ACSM3: variants seen among roughly 807,000 people sequenced by gnomAD.
The protein encoded by ACSM3 is acyl-CoA synthetase medium chain family member 3.
ACSM3 carries 61 observed loss-of-function variants against 74.1 expected under a neutral mutation model. The observed-to-expected ratio is 0.82, with a 90% CI of 0.67 to 1.02. The LOEUF is 1.02. Ranked by LOEUF, ACSM3 falls within the 50% of genes least tolerant of loss-of-function variation. The pLI, the probability that ACSM3 is intolerant of heterozygous loss-of-function variation, is 0.00. For missense variants in ACSM3, 660 were observed against 697.0 expected (o/e 0.95, Z 0.60); for synonymous variants, 213 against 241.5 (o/e 0.88, Z 1.09).
intron 1 of ACSM3, among the ~76,000 whole-genome samples, chr16:20,716,716 T>C (rs542163835): frequency 6.6e-6 from 1 of 152,292 alleles, no homozygotes; most frequent in South Asian, 2.1e-4. Flanking sequence ...CACCAATAAA[T>C]AGTGTGGGCT....
rs150337732 is a variant in ACSM3, at chr16:20,793,220, G to A, written c.1554+885G>A. On this transcript the variant is annotated intron_variant, in intron 12 of 13. Transcript: ENST00000289416. ...ACAGTGGCTCACACCTGTAATCCTA[G>A]CACTTTGGGAGGCTGAGGTGGGTGG... Among the ~76,000 whole-genome samples the A allele has an allele frequency of 1.3e-3, 205 of 152,278 alleles. 1 individual carries two copies. Among genetic ancestry groups the A allele is most frequent in the African/African-American group, 4.7e-3 (197 of 41,552 alleles).
In ACSM3 at chr16:20,699,075, T is replaced by C. The variant is rs371721070; in HGVS notation, c.-190+24253T>C. Among the ~76,000 whole-genome samples, 10 of 152,298 alleles carry C rather than the reference T, an allele frequency of 6.6e-5. No individual in the cohort carries two copies. The South Asian group carries it at 1.5e-3, about 22-fold the overall frequency. On this transcript the variant is annotated intron_variant, in intron 1 of 3. Coordinates refer to the ACSM3 transcript ENST00000561584. ...CAACCTCAGGCACTCACAAGAAAGC[T>C]CTTGGGTGAACCATTTTCCTTTCAA... is the stretch of plus-strand genomic sequence containing the variant.
At chr16:20,690,735 T>G (rs1445912467) in intron 1 of ACSM3, among the ~76,000 whole-genome samples, 1 of 152,218 alleles carries the variant, frequency 6.6e-6, no homozygotes, top group African/African-American at 2.4e-5. Flanking sequence ...TATAGTACCC[T>G]GATTGAATAA....
chr16:20,741,481 G>GGGGGGGGGCCCCCCCCCCCCCCCCC, intron 1 of ACSM3: 2 of 1,308,414 alleles, frequency 1.5e-6, no homozygotes. Context: ...CTGGCAGCCG[G>GGGGGGGGGCCCCCCCCCCCCCCCCC]CCCGCCCGCC....
At chr16:20,741,507 A>C in intron 1 of ACSM3, 3 of 382,838 alleles carry the variant, frequency 7.8e-6, no homozygotes, top group Admixed American at 4.7e-5. Context: ...CGGGACCGGT[A>C]CCTTTTCTGG....
At chr16:20,782,768 A>G (rs986183415) in intron 7 of ACSM3, among the ~76,000 whole-genome samples, 20 of 152,276 alleles carry the variant, frequency 1.3e-4, no homozygotes, top group East Asian at 7.7e-4. Context: ...GTAATTTGCT[A>G]TGATGGCTCA....
At chr16:20,761,115 G>C (rs1160456884), upstream of ACSM3, among the ~76,000 whole-genome samples, 1 of 149,912 alleles carries the variant, frequency 6.7e-6, no homozygotes, top group Non-Finnish European at 1.5e-5. Flanking sequence ...TTTTTTTTGA[G>C]ACGGAGTCTC....
intron 1 of ACSM3, among the ~76,000 whole-genome samples, chr16:20,707,590 G>A (rs1480979821): frequency 6.6e-6 from 1 of 152,204 alleles, no homozygotes; most frequent in African/African-American, 2.4e-5. Context: ...GCCTGCTAGA[G>A]CCCCTGATAG....
chr16:20,741,418 G>C, intron 1 of ACSM3: 3 of 1,418,248 alleles, frequency 2.1e-6, no homozygotes, highest in Non-Finnish European at 2.8e-6. Context: ...GACCCGAGGC[G>C]CGCATGCCCA....
chr16:20,770,595 C>A (rs1233547061), intron 2 of ACSM3, among the ~76,000 whole-genome samples: 2 of 151,026 alleles, frequency 1.3e-5, no homozygotes, highest in Admixed American at 1.3e-4. Flanking sequence ...AAAGGAGGCA[C>A]AGATAAATCT....
intron 1 of ACSM3, chr16:20,711,385 C>A (rs760673410): frequency 5.8e-5 from 28 of 482,828 alleles, no homozygotes; most frequent in Non-Finnish European, 8.7e-5. Context: ...TTGTAATGCT[C>A]CTCCTCACCC....
At chr16:20,741,481 G>GACC in intron 1 of ACSM3, 4 of 1,308,414 alleles carry the variant, frequency 3.1e-6, no homozygotes, top group South Asian at 1.8e-5. Context: ...CTGGCAGCCG[G>GACC]CCCGCCCGCC....
rs2152494177 is a variant in ACSM3 at position 20,797,082 on chromosome 16, CTG to C, written c.*112_*113del. 7.0e-7 allele frequency: 1 copy of C among 1,434,530 alleles called. No homozygotes were observed. Among genetic ancestry groups the C allele is most frequent in the Non-Finnish European group, 9.1e-7 (1 of 1,098,034 alleles). 88.9% of individuals were successfully genotyped at this position (1,434,530 alleles called of 1,614,324 possible). A position where few individuals can be genotyped will look rare whatever the true frequency, so the allele number is the denominator to read the frequency against. On this transcript the variant is annotated 3_prime_UTR_variant, in exon 14 of 14. Transcript: ENST00000289416. Reference sequence around the variant, plus strand: ...AAAACTGTGGTAGTATGCTTAGAAACTGTTGATTTAAAATATCTTGTGGTTAT... The same window carrying C: ...AAAACTGTGGTAGTATGCTTAGAAACTTGATTTAAAATATCTTGTGGTTAT...
At chr16:20,754,975 G>A (rs900530402) in intron 2 of ACSM3, among the ~76,000 whole-genome samples, 1 of 152,060 alleles carries the variant, frequency 6.6e-6, no homozygotes. Context: ...TTATTGTGAC[G>A]AAGGCTGGGG....
intron 12 of ACSM3, among the ~76,000 whole-genome samples, chr16:20,795,890 G>A (rs1283355980): frequency 6.6e-6 from 1 of 152,238 alleles, no homozygotes. Flanking sequence ...TTCTAGGAAG[G>A]ATAAAATTTG....
At chr16:20,783,113 C>T (rs961831537) in intron 7 of ACSM3, 1 of 152,156 alleles carries the variant, frequency 6.6e-6, no homozygotes, top group African/African-American at 2.4e-5. Context: ...TTCTTGTGAC[C>T]AACCCCTATA....
At chr16:20,733,484 A>T (rs1296629970) in intron 1 of ACSM3, among the ~76,000 whole-genome samples, 2 of 152,106 alleles carry the variant, frequency 1.3e-5, no homozygotes, top group African/African-American at 2.4e-5. Flanking sequence ...ACTGTAAAAT[A>T]TCTGAAACTT....
intron 1 of ACSM3, among the ~76,000 whole-genome samples, chr16:20,765,102 T>C (rs1203685384): frequency 6.6e-6 from 1 of 152,206 alleles, no homozygotes; most frequent in Non-Finnish European, 1.5e-5. Flanking sequence ...ACAAAGAGCT[T>C]GCATTTCAGA....
At chr16:20,735,120 A>T (rs1045948481) in intron 1 of ACSM3, 13 of 152,148 alleles carry the variant, frequency 8.5e-5, no homozygotes, top group Admixed American at 2.0e-4. Context: ...TTTAAGAAAA[A>T]TTTTTTTCCC....
Sources: gnomAD v4.1 joint callset for allele counts (sites outside exome capture counted in the v4.1 genomes callset) on GRCh38, gnomAD v4.1.1 for gene constraint, MANE v1.5 for transcripts, NCBI Gene and HGNC (gene_info 2026-07-23, HGNC 2026-07-21) for gene names.